MANBAL: variants seen among roughly 807,000 people sequenced by gnomAD.
MANBAL encodes protein MANBAL.
Under a neutral mutation model 6.4 loss-of-function variants are expected in MANBAL, and 1 was observed. The observed-to-expected ratio is 0.16, with a 90% CI of 0.06 to 0.74. The LOEUF (loss-of-function observed/expected upper bound fraction) is 0.74, where lower values mean the gene tolerates loss of function less well. Ranked by LOEUF, MANBAL falls within the 30% of genes least tolerant of loss-of-function variation. The probability of loss-of-function intolerance (pLI) is 0.78; values close to 1 mark genes in which losing one functional copy is unlikely to be tolerated. For missense variants in MANBAL, 100 were observed against 107.8 expected, an observed-to-expected ratio of 0.93 and a Z score of 0.32; for synonymous variants, 47 against 45.8, an observed-to-expected ratio of 1.03 and a Z score of -0.10.
At chr20:37,299,084 G>A (rs1236527921) in intron 1 of MANBAL, among the ~76,000 whole-genome samples, 2 of 149,348 alleles carry the variant, frequency 1.3e-5, no homozygotes, top group African/African-American at 5.1e-5. Flanking sequence ...GGTGGGGTGG[G>A]GGCAGGGTCG....
intron 2 of MANBAL, among the ~76,000 whole-genome samples, chr20:37,315,139 C>T (rs1245393142): frequency 6.6e-6 from 1 of 152,204 alleles, no homozygotes; most frequent in South Asian, 2.1e-4. Context: ...GCCTCCTCAG[C>T]CCCTCACTGC....
At chr20:37,313,303 G>A (rs1329399264) in intron 2 of MANBAL, among the ~76,000 whole-genome samples, 3 of 152,010 alleles carry the variant, frequency 2.0e-5, no homozygotes, top group African/African-American at 4.8e-5. Flanking sequence ...CCCAGGAGGC[G>A]GAACTTGCAA....
intron 1 of MANBAL, among the ~76,000 whole-genome samples, chr20:37,293,833 A>G (rs2068929076): frequency 6.6e-6 from 1 of 152,170 alleles, no homozygotes; most frequent in Non-Finnish European, 1.5e-5. Flanking sequence ...CTCGTTTTCA[A>G]AGTTACTTAG....
intron 1 of MANBAL, 90 bp from the exon 2 acceptor site, chr20:37,301,118 A>G (rs2069123981): frequency 2.5e-6 from 2 of 787,294 alleles, no homozygotes; most frequent in Non-Finnish European, 3.4e-6. Context: ...CCTGGGCGAC[A>G]GAGTGAGACT....
At chr20:37,302,404 T>A (rs1340239551) in intron 2 of MANBAL, 2 of 1,515,856 alleles carry the variant, frequency 1.3e-6, no homozygotes, top group Admixed American at 2.0e-5. Flanking sequence ...TGCTGCACAT[T>A]TAGAGATTCT....
chr20:37,297,735 C>T (rs1218644848), intron 1 of MANBAL, among the ~76,000 whole-genome samples: 1 of 151,834 alleles, frequency 6.6e-6, no homozygotes, highest in Non-Finnish European at 1.5e-5. Context: ...CTCCGTCTCC[C>T]GAGTTCAAGC....
At chr20:37,313,918 G>A (rs1407004736) in intron 2 of MANBAL, among the ~76,000 whole-genome samples, 1 of 152,210 alleles carries the variant, frequency 6.6e-6, no homozygotes. Flanking sequence ...AAGCTCTGGG[G>A]CCTGACTCAG....
intron 1 of MANBAL, among the ~76,000 whole-genome samples, chr20:37,290,197 GAAGC>G (rs1211777271): frequency 1.3e-5 from 2 of 152,230 alleles, no homozygotes; most frequent in Non-Finnish European, 2.9e-5. Context: ...AATTCTAAGA[GAAGC>G]GAGAAATGAA....
Position 37,316,301 on chromosome 20 carries a change from CT to C in MANBAL, c.151-6del. ...TAAGCAGGACTCTCCTTTTTATCAC[CT>C]CACAGGAGGCTGAACCGTCTGAGCC... On this transcript the variant is annotated splice_region_variant and splice_polypyrimidine_tract_variant and intron_variant, in intron 2 of 2. Transcript: ENST00000373606. The C allele has an allele frequency of 6.2e-7, 1 of 1,612,708 alleles. No homozygotes were observed. Among genetic ancestry groups the C allele is most frequent in the South Asian group, 1.1e-5 (1 of 90,990 alleles).
intron 2 of MANBAL, among the ~76,000 whole-genome samples, chr20:37,309,005 G>A (rs776112768): frequency 5.3e-5 from 8 of 152,162 alleles, no homozygotes; most frequent in East Asian, 1.9e-4. Flanking sequence ...GATTGCCACC[G>A]TCTCATATTA....
chr20:37,301,410 G>A lies in MANBAL; in HGVS notation c.147G>A (p.Glu49=). 3 of 1,610,868 alleles carry A rather than the reference G, an allele frequency of 1.9e-6. No individual in the cohort carries two copies. The highest frequency in any genetic ancestry group is 1.7e-6 in the Non-Finnish European group (2 of 1,178,000). The stretch of plus-strand genomic sequence containing the variant: ...TCGTACCCATTCCCAAGTCCCACGA[G>A]GCGGTGAGTTTTTCCCTGGGAGCCT... ...AIIVPIPKSH[E]AEAEPSEPRS... Residue 49 remains glutamate (E), a synonymous_variant, in exon 2 of 3, where the codon GAG becomes GAA. Transcript: ENST00000373606.
At chr20:37,301,511 C>T in intron 2 of MANBAL, 98 bp downstream of exon 2, 1 of 1,317,716 alleles carries the variant, frequency 7.6e-7, no homozygotes, top group Non-Finnish European at 1.0e-6. Context: ...GCAGGGTCTA[C>T]ATTGGGCCTT....
chr20:37,299,774 A>G (rs1228458595), intron 1 of MANBAL, among the ~76,000 whole-genome samples: 3 of 152,222 alleles, frequency 2.0e-5, no homozygotes, highest in Non-Finnish European at 4.4e-5. Context: ...CCTTAGAGGC[A>G]GAGTGGGGGC....
At chr20:37,301,531 G>A in intron 2 of MANBAL, 118 bp downstream of exon 2, 1 of 1,138,846 alleles carries the variant, frequency 8.8e-7, no homozygotes, top group Non-Finnish European at 1.2e-6. Context: ...TTTTGATTTA[G>A]TGTGCCTCTG....
At chr20:37,310,594 C>G (rs2069364230) in intron 2 of MANBAL, among the ~76,000 whole-genome samples, 1 of 152,204 alleles carries the variant, frequency 6.6e-6, no homozygotes, top group South Asian at 2.1e-4. Context: ...TCATAAAATT[C>G]AATGCACTTT....
At chr20:37,292,190 C>T (rs929331305) in intron 1 of MANBAL, among the ~76,000 whole-genome samples, 2 of 152,142 alleles carry the variant, frequency 1.3e-5, no homozygotes, top group Non-Finnish European at 2.9e-5. Flanking sequence ...AATTATGCCC[C>T]ATGCTTAAAG....
chr20:37,303,768 G>A (rs1223319895), intron 2 of MANBAL, among the ~76,000 whole-genome samples: 1 of 152,242 alleles, frequency 6.6e-6, no homozygotes, highest in African/African-American at 2.4e-5. Flanking sequence ...GTGTTATCTA[G>A]CAGGGAAGTG....
Position 37,301,208 on chromosome 20 carries a change from T to C in MANBAL, c.-56T>C. The C allele has an allele frequency of 7.0e-7, 1 of 1,436,812 alleles. No homozygotes were observed. The highest frequency in any genetic ancestry group is 2.5e-4 in the Middle Eastern group (1 of 4,060). The allele number at this position is 1,436,812 out of a possible 1,614,324, so 89.0% of individuals were successfully genotyped here. A position where few individuals can be genotyped will look rare whatever the true frequency, so the allele number is the denominator to read the frequency against. ...GACACTGACCCTTTGCATTTACAAGTTGGTTCTAAAGAGTGGTGAGTCAGA... is the reference window on the plus strand; with the variant it reads ...GACACTGACCCTTTGCATTTACAAGCTGGTTCTAAAGAGTGGTGAGTCAGA... On this transcript the variant is annotated splice_region_variant and 5_prime_UTR_variant, in exon 2 of 3. Transcript: ENST00000373606.
At chr20:37,301,532 T>C in intron 2 of MANBAL, 119 bp downstream of exon 2, 4 of 1,138,512 alleles carry the variant, frequency 3.5e-6, no homozygotes, top group South Asian at 4.1e-5. Flanking sequence ...TTTGATTTAG[T>C]GTGCCTCTGA....
Sources: allele counts gnomAD v4.1 joint callset (sites outside exome capture counted in the v4.1 genomes callset), GRCh38; gene constraint gnomAD v4.1.1; transcripts MANE v1.5; gene names NCBI Gene and HGNC (gene_info 2026-07-23, HGNC 2026-07-21).